Variants in PDZD9 observed in about 807,000 individuals in gnomAD.
The protein encoded by PDZD9 is PDZ domain containing 9.
Under a neutral mutation model 16.3 loss-of-function variants are expected in PDZD9, and 13 were observed. The ratio of observed to expected loss-of-function variants is 0.80; its 90% confidence interval spans 0.52 to 1.27. The LOEUF (loss-of-function observed/expected upper bound fraction) is 1.27, where lower values mean the gene tolerates loss of function less well. PDZD9 is among the 50% of genes most tolerant of loss of function. The pLI, the probability that PDZD9 is intolerant of heterozygous loss-of-function variation, is 0.00. For synonymous variants in PDZD9, 120 were observed against 111.0 expected, an observed-to-expected ratio of 1.08 and a Z score of -0.51; for missense variants, 288 against 310.9, an observed-to-expected ratio of 0.93 and a Z score of 0.55.
At chr16:21,963,619 G>A in the PDZD9 span, among the ~76,000 whole-genome samples, 5 of 151,718 alleles carry the variant, frequency 3.3e-5, no homozygotes, top group Non-Finnish European at 5.9e-5. Flanking sequence ...ACACACCACC[G>A]CACCCTGCTA....
chr16:21,984,562 T>C lies in PDZD9; in HGVS notation c.500A>G (p.Tyr167Cys), dbSNP rs1898826472. 2 of 1,582,106 alleles carry C rather than the reference T, an allele frequency of 1.3e-6. No individual in the cohort carries two copies. Among genetic ancestry groups the C allele is most frequent in the Non-Finnish European group, 1.7e-6 (2 of 1,158,230 alleles). ...AGGGTGATGCACAGTTGACCACGGA[T>C]ATCTATAATATTGAAGTCTTTTATC... Reference protein sequence around the residue: ...DLDKRLQYYRYPWSTVHHPAR... With the variant: ...DLDKRLQYYRCPWSTVHHPAR... Residue 167 changes from tyrosine to cysteine, a missense_variant, in exon 4 of 4, where the codon TAT becomes TGT. By Grantham distance (194) the Tyr-to-Cys change is radical. Transcript: ENST00000424898.
the PDZD9 span, chr16:21,962,799 C>A: frequency 6.2e-7 from 1 of 1,613,988 alleles, no homozygotes; most frequent in Non-Finnish European, 8.5e-7. Context: ...GTCACCACAG[C>A]ACCAGAATTT....
chr16:21,986,239 TAA>T (rs1270043246), intron 3 of PDZD9, among the ~76,000 whole-genome samples: 1 of 152,324 alleles, frequency 6.6e-6, no homozygotes, highest in African/African-American at 2.4e-5. Flanking sequence ...GCGTTATACA[TAA>T]GTTACTAAAA....
At chr16:21,958,668 CTG>C in the PDZD9 span, 1 of 1,391,474 alleles carries the variant, frequency 7.2e-7, no homozygotes, top group Non-Finnish European at 1.0e-6. Flanking sequence ...GAACTTTTCT[CTG>C]TTATCAAGGA....
chr16:21,967,437 G>GTT, the PDZD9 span, among the ~76,000 whole-genome samples: 1 of 146,874 alleles, frequency 6.8e-6, no homozygotes, highest in Admixed American at 6.8e-5. Flanking sequence ...GAAGTCGTAA[G>GTT]TTTTTTTTTT....
At position 21,984,559 on chromosome 16, in the gene PDZD9, G is replaced by C; in HGVS notation, c.503C>G (p.Pro168Arg). 1 of 1,589,528 alleles carries C rather than the reference G, an allele frequency of 6.3e-7. No individual in the cohort carries two copies. The highest frequency in any genetic ancestry group is 8.6e-7 in the Non-Finnish European group (1 of 1,162,104). ...LDKRLQYYRY[P>R]WSTVHHPARR... ...TGCAGGGTGATGCACAGTTGACCAC[G>C]GATATCTATAATATTGAAGTCTTTT... Residue 168 changes from proline (P) to arginine (R), a missense_variant, in exon 4 of 4, where the codon CCG becomes CGG. By Grantham distance (103) the Pro-to-Arg change is moderately radical. Coordinates refer to ENST00000424898, the MANE Select transcript of PDZD9 (RefSeq NM_001363519.1).
At chr16:21,988,307 C>T (rs908246685) in intron 3 of PDZD9, among the ~76,000 whole-genome samples, 8 of 152,118 alleles carry the variant, frequency 5.3e-5, no homozygotes, top group East Asian at 3.9e-4. Context: ...CACACCTGGC[C>T]CACAAGAAGC....
chr16:21,978,432 A>G, the PDZD9 span, among the ~76,000 whole-genome samples: 7 of 152,110 alleles, frequency 4.6e-5, no homozygotes, highest in Admixed American at 1.3e-4. Flanking sequence ...GAGAATTGTG[A>G]ATTGGATTTT....
At chr16:21,971,904 A>C in the PDZD9 span, 7 of 1,613,074 alleles carry the variant, frequency 4.3e-6, no homozygotes, top group African/African-American at 2.7e-5. Flanking sequence ...TCTTCCCTCT[A>C]TCCTTAATCT....
At chr16:21,991,234 TC>T (rs1469789182) in intron 2 of PDZD9, among the ~76,000 whole-genome samples, 5 of 151,262 alleles carry the variant, frequency 3.3e-5, no homozygotes, top group Non-Finnish European at 7.4e-5. Context: ...TACATTAATT[TC>T]TTTTTTTTTT....
Position 21,984,622 on chromosome 16 carries a change from A to T in PDZD9, c.440T>A (p.Phe147Tyr), listed in dbSNP as rs774788576. Reference sequence around the variant, plus strand: ...ATTTTCATTATCATCACTGCTTGTGAAAGATTCATCTTTTGCCAGCTCAAT... The same window carrying T: ...ATTTTCATTATCATCACTGCTTGTGTAAGATTCATCTTTTGCCAGCTCAAT... ...KKIELAKDESFTSSDDNENVD... is the reference protein window; with the variant it reads ...KKIELAKDESYTSSDDNENVD... Residue 147 changes from phenylalanine (F) to tyrosine (Y), a missense_variant, in exon 4 of 4, where the codon TTC becomes TAC. Transcript: ENST00000424898. 3 of 1,527,810 alleles carry T rather than the reference A, an allele frequency of 2.0e-6. No individual in the cohort carries two copies. In the Admixed American group the frequency reaches 6.4e-5, roughly 32 times the overall value. The allele number at this position is 1,527,810 out of a possible 1,614,324, so 94.6% of individuals were successfully genotyped here. A position where few individuals can be genotyped will look rare whatever the true frequency, so the allele number is the denominator to read the frequency against.
intron 1 of PDZD9, 24 bp downstream of exon 1, chr16:22,000,993 A>T (rs1567492588): frequency 1.3e-6 from 2 of 1,532,718 alleles, no homozygotes; most frequent in Non-Finnish European, 1.7e-6. Flanking sequence ...GGGCTTCTTC[A>T]CCCGCTTCCT....
chr16:21,965,285 C>A, the PDZD9 span: 1 of 770,440 alleles, frequency 1.3e-6, no homozygotes. Flanking sequence ...AATTTTAAGT[C>A]CTCTTAACAT....
At chr16:21,996,097 G>A (rs900085362) in intron 2 of PDZD9, among the ~76,000 whole-genome samples, 1 of 151,922 alleles carries the variant, frequency 6.6e-6, no homozygotes, top group Non-Finnish European at 1.5e-5. Context: ...GCCAGTTTTT[G>A]TATTTTTAGT....
chr16:21,972,047 A>G, the PDZD9 span: 2 of 1,614,208 alleles, frequency 1.2e-6, no homozygotes, highest in African/African-American at 1.3e-5. Context: ...GTGCTGGGCC[A>G]CATGTCAAGA....
intron 2 of PDZD9, among the ~76,000 whole-genome samples, chr16:21,992,718 G>C (rs1298311365): frequency 6.6e-6 from 1 of 152,192 alleles, no homozygotes; most frequent in East Asian, 1.9e-4. Flanking sequence ...CCACAGACTG[G>C]AGGCTACACT....
intron 2 of PDZD9, among the ~76,000 whole-genome samples, chr16:21,991,182 T>C (rs1899012842): frequency 6.6e-6 from 1 of 152,078 alleles, no homozygotes; most frequent in Admixed American, 6.5e-5. Flanking sequence ...TAGGAACTGC[T>C]TAGGCAGTAG....
chr16:21,970,102 A>G, the PDZD9 span, among the ~76,000 whole-genome samples: 2 of 152,152 alleles, frequency 1.3e-5, no homozygotes, highest in Non-Finnish European at 2.9e-5. Flanking sequence ...CTTACTTAGC[A>G]TAATGTTTTC....
At chr16:21,989,124 G>T (rs192619351) in intron 2 of PDZD9, among the ~76,000 whole-genome samples, 1 of 151,618 alleles carries the variant, frequency 6.6e-6, no homozygotes, top group Non-Finnish European at 1.5e-5. Flanking sequence ...GTAGAGATGG[G>T]GTTTCACCAT....
Sources: gnomAD v4.1 joint callset for allele counts (sites outside exome capture counted in the v4.1 genomes callset) on GRCh38, gnomAD v4.1.1 for gene constraint, MANE v1.5 for transcripts, NCBI Gene and HGNC (gene_info 2026-07-23, HGNC 2026-07-21) for gene names.